Variants in DENND1A observed in about 807,000 individuals in gnomAD.
DENND1A encodes the protein DENN domain containing 1A, also known as DENN domain-containing protein 1A.
Under a neutral mutation model 113.7 loss-of-function variants are expected in DENND1A, and 51 were observed. That is an observed-to-expected ratio of 0.45 (90% CI 0.36 to 0.57). The LOEUF (loss-of-function observed/expected upper bound fraction) is 0.57. Among genes scored for constraint, DENND1A ranks in the 20% least tolerant of loss-of-function variants. DENND1A has a pLI of 0.00. For missense variants in DENND1A, 1,258 were observed against 1,395.9 expected, an observed-to-expected ratio of 0.90 and a Z score of 1.57; for synonymous variants, 565 against 570.8, an observed-to-expected ratio of 0.99 and a Z score of 0.14.
rs142824369 is a variant in DENND1A, at chr9:123,506,735, G to A, written c.994-48838C>T. On this transcript the variant is annotated intron_variant, in intron 13 of 23. Transcript: ENST00000394215. ...TCAGAGAGATTAAATTACCTGTACA[G>A]GGTCACATAGCCAGAAAGTCACAGG... Among the ~76,000 whole-genome samples the A allele has an allele frequency of 4.0e-3, 605 of 152,282 alleles. 2 individuals carry two copies. The highest frequency in any genetic ancestry group is 7.2e-3 in the Non-Finnish European group (487 of 68,028).
At chr9:123,705,393 A>G (rs974641029) in intron 5 of DENND1A, among the ~76,000 whole-genome samples, 1 of 152,190 alleles carries the variant, frequency 6.6e-6, no homozygotes, top group African/African-American at 2.4e-5. Context: ...GAAAGGGGAA[A>G]AAAGGTAAAG....
chr9:123,475,917 C>T (rs752130309), intron 13 of DENND1A, among the ~76,000 whole-genome samples: 6 of 152,150 alleles, frequency 3.9e-5, no homozygotes, highest in Non-Finnish European at 5.9e-5. Context: ...GGCATGGTGG[C>T]TCATGCCTGG....
intron 2 of DENND1A, among the ~76,000 whole-genome samples, chr9:123,824,902 A>T (rs1427462361): frequency 6.6e-6 from 1 of 152,238 alleles, no homozygotes; most frequent in Non-Finnish European, 1.5e-5. Flanking sequence ...CCTATCTCTT[A>T]TAAATTTTAT....
intron 13 of DENND1A, among the ~76,000 whole-genome samples, chr9:123,511,278 G>T (rs1175909321): frequency 2.6e-5 from 4 of 152,236 alleles, no homozygotes; most frequent in Non-Finnish European, 4.4e-5. Context: ...CAGAAGGGTG[G>T]CTTTGGGGAA....
chr9:123,697,159 G>A (rs1244939318), intron 5 of DENND1A, among the ~76,000 whole-genome samples: 1 of 152,062 alleles, frequency 6.6e-6, no homozygotes, highest in African/African-American at 2.4e-5. Flanking sequence ...CAGGAGAAAA[G>A]GGAAAAAATT....
At chr9:123,457,661 C>A in intron 14 of DENND1A, 132 bp downstream of exon 14, 1 of 880,982 alleles carries the variant, frequency 1.1e-6, no homozygotes, top group Non-Finnish European at 1.7e-6. Flanking sequence ...TCATCCAATC[C>A]CCCTCCCCTG....
intron 21 of DENND1A, among the ~76,000 whole-genome samples, chr9:123,392,073 G>A (rs1001767351): frequency 7.2e-5 from 11 of 152,178 alleles, no homozygotes; most frequent in Admixed American, 5.9e-4. Context: ...TTAACGTGTC[G>A]CCGGTTAGCG....
intron 19 of DENND1A, among the ~76,000 whole-genome samples, chr9:123,423,073 G>A (rs1484402034): frequency 2.0e-5 from 3 of 152,182 alleles, no homozygotes; most frequent in Non-Finnish European, 1.5e-5. Context: ...CAACCAAGGG[G>A]AGGGGCGCCC....
chr9:123,428,689 G>A (rs2045920835), intron 19 of DENND1A, among the ~76,000 whole-genome samples: 1 of 152,206 alleles, frequency 6.6e-6, no homozygotes. Flanking sequence ...AAGCTGATAA[G>A]CAACTTCAGC....
At chr9:123,794,425 C>T (rs1316651453) in intron 2 of DENND1A, among the ~76,000 whole-genome samples, 1 of 152,202 alleles carries the variant, frequency 6.6e-6, no homozygotes, top group Non-Finnish European at 1.5e-5. Flanking sequence ...GGGAAAGCCA[C>T]TAAATCATCT....
At chr9:123,698,616 C>G (rs1360006746) in intron 5 of DENND1A, among the ~76,000 whole-genome samples, 1 of 152,180 alleles carries the variant, frequency 6.6e-6, no homozygotes, top group Non-Finnish European at 1.5e-5. Flanking sequence ...GTTGTTTCTC[C>G]TTCGTTTTAC....
At chr9:123,727,169 T>G (rs1233304925) in intron 5 of DENND1A, among the ~76,000 whole-genome samples, 1 of 152,184 alleles carries the variant, frequency 6.6e-6, no homozygotes, top group Non-Finnish European at 1.5e-5. Flanking sequence ...ACAGAACCAC[T>G]GAAGGAAATA....
intron 2 of DENND1A, among the ~76,000 whole-genome samples, chr9:123,796,257 G>T (rs936832863): frequency 2.0e-5 from 3 of 152,102 alleles, no homozygotes; most frequent in Non-Finnish European, 4.4e-5. Flanking sequence ...AGAAAAGTGT[G>T]TATCACTTTC....
intron 22 of DENND1A, among the ~76,000 whole-genome samples, chr9:123,386,381 C>CTTTTTTTTTT (rs34797849): frequency 7.4e-6 from 1 of 135,182 alleles, no homozygotes; most frequent in Non-Finnish European, 1.6e-5. Flanking sequence ...TCTTTTCTTT[C>CTTTTTTTTTT]TTTTTTTTTT....
At chr9:123,618,245 T>C (rs80187808) in intron 10 of DENND1A, among the ~76,000 whole-genome samples, 3,118 of 152,306 alleles carry the variant, frequency 0.02, 54 homozygotes, top group South Asian at 0.05. Flanking sequence ...TGTTACTTGG[T>C]CTGTGGCCTC....
In DENND1A at chr9:123,457,442, AAAG is replaced by A. The variant is rs1279217526; in HGVS notation, c.1099-10_1099-8del. 1 of 1,610,396 alleles carries A rather than the reference AAAG, an allele frequency of 6.2e-7. No individual in the cohort carries two copies. Among genetic ancestry groups the A allele is most frequent in the Admixed American group, 1.7e-5 (1 of 60,024 alleles). On this transcript the variant is annotated splice_polypyrimidine_tract_variant and splice_region_variant and intron_variant, in intron 14 of 23. Coordinates refer to ENST00000394215, the MANE Select transcript of DENND1A (RefSeq NM_001352964.2). ...CTAATCGACCATCAATAAACTATAGAAAGAAGGAACAAAAGCACAACAGCTCGT... is the reference window on the plus strand; with the variant it reads ...CTAATCGACCATCAATAAACTATAGAAAGGAACAAAAGCACAACAGCTCGT...
chr9:123,848,802 G>A (rs1842962041), intron 2 of DENND1A, among the ~76,000 whole-genome samples: 1 of 152,156 alleles, frequency 6.6e-6, no homozygotes, highest in Admixed American at 6.5e-5. Flanking sequence ...ATAATAAAGT[G>A]AAACAGCCTG....
intron 7 of DENND1A, among the ~76,000 whole-genome samples, chr9:123,668,153 T>C (rs1303073447): frequency 6.6e-6 from 1 of 152,010 alleles, no homozygotes; most frequent in East Asian, 1.9e-4. Flanking sequence ...GATGGGATTG[T>C]GCAAAGGCCA....
At chr9:123,772,233 T>C (rs1752156) in intron 3 of DENND1A, among the ~76,000 whole-genome samples, 47,091 of 152,012 alleles carry the variant, frequency 0.31, 10,115 homozygotes, top group African/African-American at 0.61. Context: ...AACATTCATG[T>C]CTTATCATCT....
Sources: allele counts gnomAD v4.1 joint callset (sites outside exome capture counted in the v4.1 genomes callset), GRCh38; gene constraint gnomAD v4.1.1; transcripts MANE v1.5; gene names NCBI Gene and HGNC (gene_info 2026-07-23, HGNC 2026-07-21).